TGFA: variants seen among roughly 807,000 people sequenced by gnomAD.
TGFA encodes the protein transforming growth factor alpha.
Under a neutral mutation model 21.7 loss-of-function variants are expected in TGFA, and 12 were observed. The ratio of observed to expected loss-of-function variants is 0.55; its 90% CI spans 0.35 to 0.90. The LOEUF (loss-of-function observed/expected upper bound fraction) is 0.90, where lower values mean the gene tolerates loss of function less well. Among genes scored for constraint, TGFA ranks in the 40% least tolerant of loss-of-function variants. TGFA has a pLI of 0.01. For missense variants in TGFA, 178 were observed against 210.8 expected, an observed-to-expected ratio of 0.84 and a Z score of 0.96; for synonymous variants, 79 against 88.1, an observed-to-expected ratio of 0.90 and a Z score of 0.58.
intron 2 of TGFA, among the ~76,000 whole-genome samples, chr2:70,488,076 T>G (rs541646182): frequency 1.3e-4 from 20 of 152,382 alleles, no homozygotes; most frequent in Middle Eastern, 3.4e-3. Context: ...TTTTTTCATA[T>G]GATTATTAAC....
intron 2 of TGFA, among the ~76,000 whole-genome samples, chr2:70,467,927 G>A (rs1437135285): frequency 1.1e-4 from 16 of 152,166 alleles, no homozygotes; most frequent in African/African-American, 2.4e-5. Flanking sequence ...TCAGAGGCAC[G>A]GGTTTGAATC....
intron 3 of TGFA, among the ~76,000 whole-genome samples, chr2:70,457,881 A>G (rs1157213869): frequency 6.6e-6 from 1 of 152,156 alleles, no homozygotes; most frequent in Non-Finnish European, 1.5e-5. Context: ...CCCATATCAT[A>G]TGCTAGATTT....
intron 1 of TGFA, among the ~76,000 whole-genome samples, chr2:70,552,163 C>A (rs575684629): frequency 6.6e-6 from 1 of 151,460 alleles, no homozygotes; most frequent in Non-Finnish European, 1.5e-5. Context: ...CTTCGACAAT[C>A]CTGGTCCAGT....
intron 2 of TGFA, among the ~76,000 whole-genome samples, chr2:70,486,815 T>A (rs1204768914): frequency 6.6e-6 from 1 of 151,992 alleles, no homozygotes; most frequent in African/African-American, 2.4e-5. Context: ...CAGGCTGGAG[T>A]GCAGTGGCAC....
intron 1 of TGFA, among the ~76,000 whole-genome samples, chr2:70,543,156 TATC>T (rs1337634731): frequency 2.0e-5 from 3 of 151,498 alleles, no homozygotes; most frequent in African/African-American, 7.2e-5. Flanking sequence ...TCCCTCTAAA[TATC>T]ATCAAGAAAA....
In TGFA at chr2:70,524,955, A is replaced by T. The variant is rs75540157; in HGVS notation, c.41-10043T>A. Among the ~76,000 whole-genome samples, 1,475 of 152,038 alleles carry T rather than the reference A, an allele frequency of 9.7e-3. 4 individuals carry two copies. Among genetic ancestry groups the T allele is most frequent in the Non-Finnish European group, 0.017 (1,169 of 67,960 alleles). Reference sequence around the variant, plus strand: ...TGGCCTGTGATGTCTCAGAATTACCATCCTCTGGGCCCAGGTGAGCAGTGG... The same window carrying T: ...TGGCCTGTGATGTCTCAGAATTACCTTCCTCTGGGCCCAGGTGAGCAGTGG... On this transcript the variant is annotated intron_variant, in intron 1 of 5. Coordinates refer to ENST00000295400, the MANE Select transcript of TGFA (RefSeq NM_003236.4).
At chr2:70,530,099 TC>T (rs1672772028) in intron 1 of TGFA, among the ~76,000 whole-genome samples, 1 of 152,196 alleles carries the variant, frequency 6.6e-6, no homozygotes, top group African/African-American at 2.4e-5. Flanking sequence ...CAAGAACCTT[TC>T]CTGACCACCT....
intron 5 of TGFA, among the ~76,000 whole-genome samples, chr2:70,451,371 GA>G (rs1440036481): frequency 2.6e-5 from 4 of 152,220 alleles, no homozygotes; most frequent in Non-Finnish European, 1.5e-5. Context: ...GCTTAGCCTG[GA>G]CATGTCTCTA....
chr2:70,494,395 C>T (rs1671521397), intron 2 of TGFA, among the ~76,000 whole-genome samples: 1 of 152,266 alleles, frequency 6.6e-6, no homozygotes, highest in African/African-American at 2.4e-5. Flanking sequence ...AAAATAATTT[C>T]CTTCTGTTTG....
At chr2:70,521,609 G>GTTGTTTTTTTTTTTTTTTTTT (rs1432347684) in intron 1 of TGFA, among the ~76,000 whole-genome samples, 1 of 78,876 alleles carries the variant, frequency 1.3e-5, no homozygotes, top group Non-Finnish European at 2.4e-5. Flanking sequence ...TTTTGTTGTT[G>GTTGTTTTTTTTTTTTTTTTTT]TTTGTTTGTT....
chr2:70,448,307 T>TA lies in TGFA; in HGVS notation c.*2551dup, dbSNP rs1553489013. The TA allele has an allele frequency of 1.3e-5, 2 of 152,320 alleles. No individual in the cohort carries two copies. The highest frequency in any genetic ancestry group is 2.1e-4 in the South Asian group (1 of 4,828). 9.4% of individuals were successfully genotyped at this position (152,320 alleles called of 1,614,324 possible). On this transcript the variant is annotated 3_prime_UTR_variant, in exon 6 of 6. Coordinates refer to ENST00000295400, the MANE Select transcript of TGFA (RefSeq NM_003236.4). ...CTCCATAAGAGTATTGGAGGCCTTT[T>TA]AAAAAATGTTTGTTATTTTTTTAAA...
chr2:70,481,993 G>A (rs1671137240), intron 2 of TGFA, among the ~76,000 whole-genome samples: 1 of 152,112 alleles, frequency 6.6e-6, no homozygotes, highest in South Asian at 2.1e-4. Context: ...AATGTTTATT[G>A]CTTTAAGCTA....
intron 1 of TGFA, among the ~76,000 whole-genome samples, chr2:70,520,314 G>A (rs1208955324): frequency 6.6e-6 from 1 of 152,000 alleles, no homozygotes; most frequent in Non-Finnish European, 1.5e-5. Context: ...CGCCTTTTGA[G>A]GGTTTAAATA....
At chr2:70,522,598 T>C (rs1672505418) in intron 1 of TGFA, among the ~76,000 whole-genome samples, 1 of 152,120 alleles carries the variant, frequency 6.6e-6, no homozygotes, top group Non-Finnish European at 1.5e-5. Flanking sequence ...CACACCCGGC[T>C]AATTTTTTAT....
intron 2 of TGFA, among the ~76,000 whole-genome samples, chr2:70,495,916 C>T (rs3849385): frequency 0.25 from 38,756 of 152,084 alleles, 6,089 homozygotes; most frequent in East Asian, 0.39. Context: ...TTCTTACTTG[C>T]ACCCTACTGG....
chr2:70,511,638 G>T (rs953777837), intron 2 of TGFA, among the ~76,000 whole-genome samples: 1 of 152,158 alleles, frequency 6.6e-6, no homozygotes, highest in African/African-American at 2.4e-5. Context: ...TTGTGGTGAC[G>T]TTTTAAAAGG....
intron 2 of TGFA, among the ~76,000 whole-genome samples, chr2:70,504,005 T>A (rs1408618377): frequency 6.6e-6 from 1 of 152,178 alleles, no homozygotes; most frequent in Admixed American, 6.5e-5. Context: ...AAGACTCTTT[T>A]AGGAAACATC....
chr2:70,515,153 T>C (rs1177287453), intron 1 of TGFA, among the ~76,000 whole-genome samples: 4 of 152,224 alleles, frequency 2.6e-5, no homozygotes, highest in Admixed American at 2.6e-4. Context: ...CTTCCACTTC[T>C]TCCCAGTCTC....
At position 70,553,717 on chromosome 2, in the gene TGFA, G is replaced by A. The variant is rs781794478; in HGVS notation, c.40+11C>T. Reference sequence around the variant, plus strand: ...GCGCGGCGCAGGGGGCGCCGCAGCCGGCGTACGTACCCAGAGCGAACAGGG... The same window carrying A: ...GCGCGGCGCAGGGGGCGCCGCAGCCAGCGTACGTACCCAGAGCGAACAGGG... On this transcript the variant is annotated intron_variant, in intron 1 of 5. Coordinates refer to ENST00000295400, the MANE Select transcript of TGFA (RefSeq NM_003236.4). 1 of 1,332,998 alleles carries A rather than the reference G, an allele frequency of 7.5e-7. No individual in the cohort carries two copies. The highest frequency in any genetic ancestry group is 9.6e-7 in the Non-Finnish European group (1 of 1,039,132). The allele number at this position is 1,332,998 out of a possible 1,614,324, so 82.6% of individuals were successfully genotyped here.
Sources: gnomAD v4.1 joint callset for allele counts (sites outside exome capture counted in the v4.1 genomes callset) on GRCh38, gnomAD v4.1.1 for gene constraint, MANE v1.5 for transcripts, NCBI Gene and HGNC (gene_info 2026-07-23, HGNC 2026-07-21) for gene names.